Variants in PARD3B observed in about 807,000 individuals in gnomAD.
The protein encoded by PARD3B is par-3 family cell polarity regulator beta.
Under a neutral mutation model 130.2 loss-of-function variants are expected in PARD3B, and 103 were observed. The ratio of observed to expected loss-of-function variants is 0.79; its 90% CI spans 0.67 to 0.93. The LOEUF (loss-of-function observed/expected upper bound fraction) is 0.93. Ranked by LOEUF, PARD3B falls within the 40% of genes least tolerant of loss-of-function variation. The pLI, the probability that PARD3B is intolerant of heterozygous loss-of-function variation, is 0.00. For synonymous variants in PARD3B, 583 were observed against 553.2 expected (o/e 1.05, Z -0.76); for missense variants, 1,609 against 1,499.2 (o/e 1.07, Z -1.21).
At chr2:205,399,643 C>G (rs532636289) in intron 18 of PARD3B, among the ~76,000 whole-genome samples, 1 of 152,264 alleles carries the variant, frequency 6.6e-6, no homozygotes, top group African/African-American at 2.4e-5. Flanking sequence ...GCGTGAGCCA[C>G]CACACCCAGC....
chr2:204,663,819 A>G (rs2035917747), intron 1 of PARD3B, among the ~76,000 whole-genome samples: 1 of 152,242 alleles, frequency 6.6e-6, no homozygotes. Context: ...TGGTAATTAG[A>G]CATTTACAGA....
intron 19 of PARD3B, among the ~76,000 whole-genome samples, chr2:205,422,524 G>A (rs1302970504): frequency 6.6e-6 from 1 of 152,132 alleles, no homozygotes; most frequent in African/African-American, 2.4e-5. Context: ...TGGTTACATA[G>A]AGCCTGAATA....
At chr2:205,166,575 T>C (rs185037877) in intron 11 of PARD3B, among the ~76,000 whole-genome samples, 3 of 152,292 alleles carry the variant, frequency 2.0e-5, no homozygotes, top group Admixed American at 1.3e-4. Context: ...TGCCCTTCCA[T>C]TGCAATTGTT....
intron 2 of PARD3B, among the ~76,000 whole-genome samples, chr2:204,720,173 A>G (rs1225170095): frequency 6.6e-6 from 1 of 152,198 alleles, no homozygotes; most frequent in Admixed American, 6.5e-5. Flanking sequence ...TTACTCTTAC[A>G]GTTTTAAATA....
At chr2:205,255,560 C>A (rs572953483) in intron 16 of PARD3B, among the ~76,000 whole-genome samples, 1 of 152,268 alleles carries the variant, frequency 6.6e-6, no homozygotes, top group South Asian at 2.1e-4. Flanking sequence ...GCCAGTCCCA[C>A]GTCCTAAGTT....
intron 1 of PARD3B, among the ~76,000 whole-genome samples, chr2:204,639,141 C>G (rs1194048397): frequency 6.6e-6 from 1 of 152,130 alleles, no homozygotes; most frequent in East Asian, 1.9e-4. Flanking sequence ...GGAAAATGAA[C>G]AGCAAAAATC....
rs1390301031 is a variant in PARD3B, at chr2:205,421,757, T to C, written c.2742-18613T>C. Among the ~76,000 whole-genome samples the C allele has an allele frequency of 6.6e-6, 1 of 152,172 alleles. No homozygotes were observed. The highest frequency in any genetic ancestry group is 6.5e-5 in the Admixed American group (1 of 15,272). On this transcript the variant is annotated intron_variant, in intron 19 of 22. Coordinates refer to ENST00000406610, the MANE Select transcript of PARD3B (RefSeq NM_001302769.2). The surrounding 1 kb of genome is among the most constrained non-coding windows in gnomAD (Gnocchi z 5.1). ...TGAAGTTAGTTTCACTGAGCTAGAG[T>C]CAAGATGTCAACTGAGCTGATTCCT...
chr2:204,700,137 A>G (rs925901035), intron 2 of PARD3B, among the ~76,000 whole-genome samples: 2 of 152,132 alleles, frequency 1.3e-5, no homozygotes, highest in African/African-American at 4.8e-5. Flanking sequence ...AGAAGCTAAA[A>G]TTGAAAATTA....
chr2:204,960,509 A>G (rs182744951), intron 2 of PARD3B, among the ~76,000 whole-genome samples: 12 of 152,318 alleles, frequency 7.9e-5, no homozygotes, highest in African/African-American at 2.6e-4. Context: ...TGATACCTAG[A>G]GCATCTTAAG....
At chr2:205,154,250 A>G (rs913205879) in intron 10 of PARD3B, among the ~76,000 whole-genome samples, 5 of 152,268 alleles carry the variant, frequency 3.3e-5, no homozygotes, top group Non-Finnish European at 5.9e-5. Flanking sequence ...ATGAAAAAAC[A>G]CTTCTCAAAA....
At chr2:205,113,690 G>T in intron 6 of PARD3B, 113 bp downstream of exon 6, 1 of 726,286 alleles carries the variant, frequency 1.4e-6, no homozygotes, top group East Asian at 2.8e-5. Context: ...TATTCAAATG[G>T]ATACCTCAAG....
intron 1 of PARD3B, among the ~76,000 whole-genome samples, chr2:204,685,145 C>G (rs940566670): frequency 9.9e-5 from 15 of 152,016 alleles, no homozygotes; most frequent in African/African-American, 3.4e-4. Flanking sequence ...AGTTCTTATC[C>G]CTAATAAAGA....
chr2:204,745,109 C>G (rs1416655812), intron 2 of PARD3B, among the ~76,000 whole-genome samples: 2 of 152,104 alleles, frequency 1.3e-5, no homozygotes, highest in Non-Finnish European at 2.9e-5. Context: ...TAGGCTCACA[C>G]TTAGTGATAG....
intron 2 of PARD3B, among the ~76,000 whole-genome samples, chr2:204,803,181 T>TATATAA (rs1157897187): frequency 6.9e-6 from 1 of 144,158 alleles, no homozygotes; most frequent in African/African-American, 2.5e-5. Flanking sequence ...TATATATATA[T>TATATAA]AATCCTAGAT....
chr2:204,858,730 A>G (rs2045059128), intron 2 of PARD3B, among the ~76,000 whole-genome samples: 1 of 149,134 alleles, frequency 6.7e-6, no homozygotes, highest in Non-Finnish European at 1.5e-5. Flanking sequence ...TTGTTCTACA[A>G]CAGTAACAGT....
intron 1 of PARD3B, among the ~76,000 whole-genome samples, chr2:204,601,197 ACT>A: frequency 6.6e-6 from 1 of 152,054 alleles, no homozygotes; most frequent in African/African-American, 2.4e-5. Flanking sequence ...AGCAATGAAC[ACT>A]CTTTAATATT....
intron 11 of PARD3B, among the ~76,000 whole-genome samples, chr2:205,164,522 T>G (rs1352293253): frequency 6.6e-6 from 1 of 152,132 alleles, no homozygotes; most frequent in East Asian, 1.9e-4. Context: ...CTTGCTGATC[T>G]TTATCACTTT....
chr2:205,344,476 T>A (rs542549619), intron 18 of PARD3B, among the ~76,000 whole-genome samples: 1 of 152,148 alleles, frequency 6.6e-6, no homozygotes, highest in Admixed American at 6.5e-5. Context: ...ACTCACAGAC[T>A]ATCAACTTAT....
intron 3 of PARD3B, among the ~76,000 whole-genome samples, chr2:204,994,690 T>C (rs1427115375): frequency 1.3e-5 from 2 of 151,248 alleles, no homozygotes; most frequent in Admixed American, 6.6e-5. Context: ...TGTTAAAGTC[T>C]CCCATTATTA....
Sources: allele counts gnomAD v4.1 joint callset (sites outside exome capture counted in the v4.1 genomes callset), GRCh38; gene constraint gnomAD v4.1.1; non-coding constraint Gnocchi (gnomAD v3.1); transcripts MANE v1.5; gene names NCBI Gene and HGNC (gene_info 2026-07-23, HGNC 2026-07-21).